Variants in GABRG3 observed in about 807,000 individuals in gnomAD.
GABRG3 encodes gamma-aminobutyric acid receptor subunit gamma-3.
In GABRG3, 25 loss-of-function variants were observed where a neutral mutation model predicts 48.8. The ratio of observed to expected loss-of-function variants is 0.51; its 90% CI spans 0.37 to 0.72. GABRG3 has a LOEUF of 0.72. GABRG3 is among the 30% of genes least tolerant of loss of function. The pLI is 0.00. For synonymous variants in GABRG3, 227 were observed against 217.6 expected, an observed-to-expected ratio of 1.04 and a Z score of -0.38; for missense variants, 394 against 577.9, an observed-to-expected ratio of 0.68 and a Z score of 3.26.
chr15:27,417,385 G>A (rs1887971315), intron 5 of GABRG3, among the ~76,000 whole-genome samples: 1 of 152,154 alleles, frequency 6.6e-6, no homozygotes, highest in Non-Finnish European at 1.5e-5. Flanking sequence ...TGACCTCTAG[G>A]TGACTGATGG....
At chr15:27,176,118 C>CT (rs1199431956) in intron 3 of GABRG3, among the ~76,000 whole-genome samples, 2 of 151,986 alleles carry the variant, frequency 1.3e-5, no homozygotes, top group Non-Finnish European at 2.9e-5. Flanking sequence ...AAACCAGTTC[C>CT]TTTTTTTAAC....
intron 5 of GABRG3, among the ~76,000 whole-genome samples, chr15:27,343,661 A>G (rs934374433): frequency 1.3e-5 from 2 of 152,212 alleles, no homozygotes; most frequent in Non-Finnish European, 2.9e-5. Flanking sequence ...GGGAAATGCA[A>G]TTTAACTAAG....
chr15:27,326,984 A>G lies in GABRG3; in HGVS notation c.446A>G (p.Gln149Arg). The G allele has an allele frequency of 6.2e-7, 1 of 1,614,030 alleles. No homozygotes were observed. Among genetic ancestry groups the G allele is most frequent in the Non-Finnish European group, 8.5e-7 (1 of 1,179,892 alleles). The change falls in exon 4 of 10, where the codon CAG (glutamine) becomes CGG (arginine). Residue 149 changes from glutamine (Q) to arginine (R), a missense_variant. Around this residue, in one of 3 missense-constraint regions of GABRG3, gnomAD observed 218 missense variants for 309.9 expected, o/e 0.70. Transcript: ENST00000615808. Reference sequence around the variant, plus strand: ...GCTCACTGGATCACCACACCCAATCAGCTCCTCCGGATTTGGAATGACGGG... The same window carrying G: ...GCTCACTGGATCACCACACCCAATCGGCTCCTCCGGATTTGGAATGACGGG... ...AEAHWITTPN[Q>R]LLRIWNDGKI...
chr15:27,043,151 G>T (rs1179658140), intron 3 of GABRG3, among the ~76,000 whole-genome samples: 1 of 152,096 alleles, frequency 6.6e-6, no homozygotes, highest in Non-Finnish European at 1.5e-5. Context: ...CTTCAGTAAA[G>T]CCTTCCTTCA....
At chr15:27,136,892 T>C (rs978444015) in intron 3 of GABRG3, among the ~76,000 whole-genome samples, 1 of 152,070 alleles carries the variant, frequency 6.6e-6, no homozygotes, top group Non-Finnish European at 1.5e-5. Flanking sequence ...CTCTCTCCTG[T>C]CGCCCCCGCC....
intron 3 of GABRG3, among the ~76,000 whole-genome samples, chr15:27,036,975 A>T (rs543550628): frequency 1.3e-5 from 2 of 152,166 alleles, no homozygotes; most frequent in African/African-American, 4.8e-5. Context: ...TGATGTCCTT[A>T]TGAAGAAGGG....
chr15:27,352,224 T>A lies in GABRG3; in HGVS notation c.574+23336T>A, dbSNP rs942769244. Among the ~76,000 whole-genome samples the A allele has an allele frequency of 3.3e-5, 5 of 151,788 alleles. No homozygotes were observed. Among genetic ancestry groups the A allele is most frequent in the Non-Finnish European group, 7.4e-5 (5 of 67,954 alleles). ...ATCCTTTTAAGACTGCGTGGCAGTGTAGGGATTCTGCCAGACCGTTCAGCT... is the reference window on the plus strand; with the variant it reads ...ATCCTTTTAAGACTGCGTGGCAGTGAAGGGATTCTGCCAGACCGTTCAGCT... On this transcript the variant is annotated intron_variant, in intron 5 of 9. Transcript: ENST00000615808. The surrounding 1 kb of genome is among the most constrained non-coding windows in gnomAD (Gnocchi z 4.0).
At chr15:27,089,538 C>T (rs184823171) in intron 3 of GABRG3, among the ~76,000 whole-genome samples, 3 of 152,188 alleles carry the variant, frequency 2.0e-5, no homozygotes, top group Admixed American at 2.0e-4. Context: ...AAAGGCAGTT[C>T]GGAGACAAGC....
intron 5 of GABRG3, among the ~76,000 whole-genome samples, chr15:27,480,035 C>T (rs1412184157): frequency 6.6e-6 from 1 of 152,228 alleles, no homozygotes; most frequent in East Asian, 1.9e-4. Flanking sequence ...TGCCTGATGT[C>T]ATGATCTAGG....
intron 3 of GABRG3, among the ~76,000 whole-genome samples, chr15:27,304,761 C>A (rs894543517): frequency 6.6e-6 from 1 of 151,872 alleles, no homozygotes; most frequent in Non-Finnish European, 1.5e-5. Context: ...TAATGATATC[C>A]AAAGTACTAT....
intron 2 of GABRG3, among the ~76,000 whole-genome samples, chr15:27,010,265 C>T (rs566867847): frequency 3.3e-5 from 5 of 152,282 alleles, no homozygotes; most frequent in African/African-American, 7.2e-5. Context: ...TAGGCACCTT[C>T]CTAGGAATTT....
intron 5 of GABRG3, among the ~76,000 whole-genome samples, chr15:27,351,383 G>T (rs1451733608): frequency 6.8e-6 from 1 of 147,948 alleles, no homozygotes; most frequent in African/African-American, 2.5e-5. Flanking sequence ...TGTATGGTGT[G>T]TGTGTATGGT....
chr15:27,263,665 T>C (rs913729870), intron 3 of GABRG3, among the ~76,000 whole-genome samples: 1 of 152,170 alleles, frequency 6.6e-6, no homozygotes, highest in Non-Finnish European at 1.5e-5. Context: ...GGTATTCAGT[T>C]ATGATTTCTT....
At chr15:27,408,134 A>G (rs1275389378) in intron 5 of GABRG3, among the ~76,000 whole-genome samples, 1 of 152,190 alleles carries the variant, frequency 6.6e-6, no homozygotes, top group Non-Finnish European at 1.5e-5. Flanking sequence ...AAAAAAAATC[A>G]CAGACTAGTA....
rs1370300038 is a variant in GABRG3, at chr15:27,126,394, A to G, written c.270+99573A>G. ...GAATCCACCGTAACATTTGACTTGC[A>G]TTCGGTCCTCAATCTTTCCCACCGA... is the stretch of plus-strand genomic sequence containing the variant. On this transcript the variant is annotated intron_variant, in intron 3 of 9. Transcript: ENST00000615808. 4.6e-5 allele frequency among the ~76,000 whole-genome samples: 7 copies of G among 152,094 alleles called. No homozygotes were observed. The East Asian group carries it at 1.2e-3, about 25-fold the overall frequency.
intron 5 of GABRG3, among the ~76,000 whole-genome samples, chr15:27,441,437 T>C (rs1286043686): frequency 6.6e-6 from 1 of 152,168 alleles, no homozygotes; most frequent in Admixed American, 6.5e-5. Context: ...ATGTTTGACA[T>C]GAAGAGCAGC....
chr15:27,106,407 T>A (rs1897450322), intron 3 of GABRG3, among the ~76,000 whole-genome samples: 1 of 151,864 alleles, frequency 6.6e-6, no homozygotes, highest in Non-Finnish European at 1.5e-5. Flanking sequence ...ACAATAAAAT[T>A]ATTTTAAAAA....
In GABRG3 at chr15:27,261,380, CTGGAAAGAA is replaced by C. The variant is rs1008413255; in HGVS notation, c.271-65417_271-65409del. 8.0e-4 allele frequency among the ~76,000 whole-genome samples: 122 copies of C among 152,082 alleles called. 1 individual carries two copies. Among genetic ancestry groups the C allele is most frequent in the African/African-American group, 2.8e-3 (117 of 41,502 alleles). ...AGAGATCTGCAGTTAACTGTCAGGA[CTGGAAAGAA>C]TGGAAAGAATGAATCTCTCCCCAGT... On this transcript the variant is annotated intron_variant, in intron 3 of 9. Transcript: ENST00000615808.
At chr15:27,520,204 A>G in intron 7 of GABRG3, 80 bp downstream of exon 7, 1 of 1,318,688 alleles carries the variant, frequency 7.6e-7, no homozygotes. Context: ...TCAATGTAAA[A>G]GACTATTTAA....
Sources: allele counts gnomAD v4.1 joint callset (sites outside exome capture counted in the v4.1 genomes callset), GRCh38; gene constraint gnomAD v4.1.1; regional missense constraint gnomAD v4.1.1; non-coding constraint Gnocchi (gnomAD v3.1); transcripts MANE v1.5; gene names NCBI Gene and HGNC (gene_info 2026-07-23, HGNC 2026-07-21).